NTM: variants seen among roughly 807,000 people sequenced by gnomAD.
The protein encoded by NTM is neurotrimin.
Under a neutral mutation model 42.1 loss-of-function variants are expected in NTM, and 13 were observed. That is an observed-to-expected ratio of 0.31 (90% CI 0.20 to 0.49). The LOEUF is 0.49. NTM is among the 20% of genes least tolerant of loss of function. NTM has a pLI of 0.99. For missense variants in NTM, 373 were observed against 452.8 expected (o/e 0.82, Z 1.60); for synonymous variants, 187 against 179.2 (o/e 1.04, Z -0.35).
intron 4 of NTM, among the ~76,000 whole-genome samples, chr11:132,220,906 C>T (rs1422236214): frequency 6.6e-6 from 1 of 152,306 alleles, no homozygotes; most frequent in South Asian, 2.1e-4. Context: ...CCCCATCTCT[C>T]AACCAGCACC....
At chr11:131,788,380 G>GGAGAT (rs1333651525) in intron 1 of NTM, among the ~76,000 whole-genome samples, 1 of 151,860 alleles carries the variant, frequency 6.6e-6, no homozygotes, top group Non-Finnish European at 1.5e-5. Flanking sequence ...TATAGTATAT[G>GGAGAT]GAGATTTATA....
intron 1 of NTM, among the ~76,000 whole-genome samples, chr11:131,613,984 T>A (rs567214137): frequency 6.6e-6 from 1 of 152,252 alleles, no homozygotes; most frequent in South Asian, 2.1e-4. Flanking sequence ...TGCACCATGT[T>A]TTTCCCTCCC....
chr11:131,789,910 C>CTTGCAGTGA (rs2090652085), intron 1 of NTM, among the ~76,000 whole-genome samples: 1 of 138,126 alleles, frequency 7.2e-6, no homozygotes, highest in African/African-American at 2.7e-5. Flanking sequence ...GAGCCGAGAT[C>CTTGCAGTGA]GCGCCACTGC....
At chr11:131,920,936 G>GA (rs1406656863) in intron 2 of NTM, among the ~76,000 whole-genome samples, 2 of 152,076 alleles carry the variant, frequency 1.3e-5, no homozygotes, top group Non-Finnish European at 2.9e-5. Context: ...CTGGATGAGT[G>GA]AAAAAAATGC....
chr11:132,164,524 T>C (rs2074950838), intron 3 of NTM, among the ~76,000 whole-genome samples: 1 of 152,192 alleles, frequency 6.6e-6, no homozygotes, highest in Non-Finnish European at 1.5e-5. Flanking sequence ...TTAAGGATGA[T>C]GTGTGCTATG....
At position 131,688,122 on chromosome 11, in the gene NTM, C is replaced by T. The variant is rs549661362; in HGVS notation, c.83-223442C>T. Among the ~76,000 whole-genome samples, 169 of 152,302 alleles carry T rather than the reference C, an allele frequency of 1.1e-3. 1 individual carries two copies. The highest frequency in any genetic ancestry group is 3.9e-3 in the African/African-American group (162 of 41,576). On this transcript the variant is annotated intron_variant, in intron 1 of 8. Coordinates refer to ENST00000683400, the MANE Select transcript of NTM (RefSeq NM_001352005.2). ...CAGTTCTCACATCTGGATGAGGAGC[C>T]GCAGATGCCGCGGGGGCGCGCCTGC...
intron 2 of NTM, among the ~76,000 whole-genome samples, chr11:132,106,154 A>G (rs1315157641): frequency 3.3e-5 from 5 of 152,140 alleles, no homozygotes; most frequent in African/African-American, 4.8e-5. Flanking sequence ...CTTGACCTAC[A>G]TTTTTACTTG....
At chr11:131,468,311 G>A (rs1364908559) in intron 1 of NTM, among the ~76,000 whole-genome samples, 1 of 152,246 alleles carries the variant, frequency 6.6e-6, no homozygotes, top group Non-Finnish European at 1.5e-5. Flanking sequence ...TCCGCATGCA[G>A]CCTCACTTGC....
intron 4 of NTM, among the ~76,000 whole-genome samples, chr11:132,240,065 CCGTCCA>C (rs1344940721): frequency 9.5e-4 from 88 of 92,710 alleles, no homozygotes; most frequent in Non-Finnish European, 2.3e-3. Flanking sequence ...ATCCCTCCAT[CCGTCCA>C]TCCATCCATC....
intron 2 of NTM, among the ~76,000 whole-genome samples, chr11:131,965,959 G>A (rs1183203165): frequency 2.2e-5 from 3 of 138,630 alleles, no homozygotes; most frequent in Non-Finnish European, 3.1e-5. Flanking sequence ...AGGAGGGAGG[G>A]AGGGAGGGAA....
chr11:132,226,553 G>A (rs982402182), intron 4 of NTM, among the ~76,000 whole-genome samples: 1 of 151,926 alleles, frequency 6.6e-6, no homozygotes, highest in African/African-American at 2.4e-5. Flanking sequence ...TTTTTGATGG[G>A]GTTGTTTTTT....
chr11:132,321,192 C>T (rs1036991728), intron 7 of NTM, among the ~76,000 whole-genome samples: 1 of 152,208 alleles, frequency 6.6e-6, no homozygotes, highest in Non-Finnish European at 1.5e-5. Flanking sequence ...CTTTGACGAG[C>T]TGAGAGAAGA....
chr11:131,464,136 G>C (rs1389239224), intron 1 of NTM, among the ~76,000 whole-genome samples: 1 of 152,192 alleles, frequency 6.6e-6, no homozygotes, highest in African/African-American at 2.4e-5. Flanking sequence ...GGGCCAGCAG[G>C]AAGAGCGGTG....
chr11:131,486,092 A>T (rs1954143847), intron 1 of NTM, among the ~76,000 whole-genome samples: 1 of 152,152 alleles, frequency 6.6e-6, no homozygotes, highest in African/African-American at 2.4e-5. Context: ...AGTTGATATT[A>T]GTTCTCTGAC....
intron 2 of NTM, among the ~76,000 whole-genome samples, chr11:132,060,173 C>T (rs1275763077): frequency 6.6e-6 from 1 of 152,200 alleles, no homozygotes; most frequent in Non-Finnish European, 1.5e-5. Flanking sequence ...CACACTTTGG[C>T]ATTATACGTC....
chr11:132,078,501 ATT>A (rs2058640865), intron 2 of NTM, among the ~76,000 whole-genome samples: 1 of 152,232 alleles, frequency 6.6e-6, no homozygotes, highest in African/African-American at 2.4e-5. Flanking sequence ...TATCTTGCTA[ATT>A]AGCAATTAGC....
At chr11:131,963,972 C>T (rs968677370) in intron 2 of NTM, among the ~76,000 whole-genome samples, 18 of 152,210 alleles carry the variant, frequency 1.2e-4, no homozygotes, top group Admixed American at 8.5e-4. Flanking sequence ...TAACTAAGTA[C>T]GCTAGTTATA....
intron 7 of NTM, chr11:132,317,715 T>C (rs1278224463): frequency 2.3e-6 from 3 of 1,295,280 alleles, no homozygotes; most frequent in Non-Finnish European, 3.1e-6. Context: ...TGCTTTATGT[T>C]TTGTCTCCCC....
At chr11:132,141,237 GTCTC>G (rs139441309) in intron 2 of NTM, among the ~76,000 whole-genome samples, 1 of 144,694 alleles carries the variant, frequency 6.9e-6, no homozygotes. Context: ...CTCTCTTTCT[GTCTC>G]TCTCTCTCTC....
Sources: gnomAD v4.1 joint callset for allele counts (sites outside exome capture counted in the v4.1 genomes callset) on GRCh38, gnomAD v4.1.1 for gene constraint, MANE v1.5 for transcripts, NCBI Gene and HGNC (gene_info 2026-07-23, HGNC 2026-07-21) for gene names.